The following NIN variants were observed in gnomAD, a reference collection of about 807,000 sequenced individuals.
The protein encoded by NIN is ninein, also known as glycogen synthase kinase 3 beta-interacting protein.
NIN carries 137 observed loss-of-function variants against 257.6 expected under a neutral mutation model. That is an observed-to-expected ratio of 0.53 (90% CI 0.46 to 0.61). The LOEUF is 0.61. NIN is among the 20% of genes least tolerant of loss of function. NIN has a pLI of 0.00. For missense variants in NIN, 2,439 were observed against 2,501.2 expected (o/e 0.98, Z 0.53); for synonymous variants, 918 against 919.8 (o/e 1.00, Z 0.04).
chr14:50,816,483 G>A (rs971875575), intron 3 of NIN, among the ~76,000 whole-genome samples: 5 of 152,218 alleles, frequency 3.3e-5, no homozygotes, highest in African/African-American at 1.2e-4. Flanking sequence ...TTGGGGAGCA[G>A]GGTGAGGGAA....
chr14:50,822,249 C>T (rs1272834752), intron 2 of NIN, among the ~76,000 whole-genome samples, 172 bp from the exon 3 acceptor site: 1 of 152,136 alleles, frequency 6.6e-6, no homozygotes. Flanking sequence ...TAGGACCAGC[C>T]CTGGCCAGTG....
rs900826572 is a variant in NIN at position 50,742,853 on chromosome 14, C to T, written c.5301+563G>A. ...TATCTATAAATTAGGAACAAGCAGT[C>T]ATTTTTATGCACTATTCTCAAGCCT... On this transcript the variant is annotated intron_variant, in intron 24 of 30. Transcript: ENST00000530997. Among the ~76,000 whole-genome samples, 3 of 152,286 alleles carry T rather than the reference C, an allele frequency of 2.0e-5. No individual in the cohort carries two copies. The South Asian group carries it at 6.2e-4, about 32-fold the overall frequency.
intron 21 of NIN, among the ~76,000 whole-genome samples, chr14:50,751,549 G>C (rs903067992): frequency 6.6e-6 from 1 of 152,080 alleles, no homozygotes; most frequent in Non-Finnish European, 1.5e-5. Context: ...CCATAGATTT[G>C]AGGGCCATTT....
At chr14:50,824,730 A>T (rs1005057279) in intron 2 of NIN, among the ~76,000 whole-genome samples, 2 of 152,172 alleles carry the variant, frequency 1.3e-5, no homozygotes, top group Non-Finnish European at 2.9e-5. Context: ...TCCTGTATGG[A>T]TCACTCCTTG....
intron 30 of NIN, among the ~76,000 whole-genome samples, chr14:50,724,994 G>C (rs1000178192): frequency 6.6e-6 from 1 of 152,112 alleles, no homozygotes; most frequent in Admixed American, 6.5e-5. Flanking sequence ...ATATGGGCAG[G>C]GGCTTTGTTC....
rs368507443 is a variant in NIN, at chr14:50,723,688, G to C, written c.6193-16C>G. 6.2e-7 allele frequency: 1 copy of C among 1,608,408 alleles called. No individual in the cohort carries two copies. The highest frequency in any genetic ancestry group is 8.5e-7 in the Non-Finnish European group (1 of 1,175,152). On this transcript the variant is annotated splice_polypyrimidine_tract_variant and intron_variant, in intron 30 of 30. Transcript: ENST00000530997. The stretch of plus-strand genomic sequence containing the variant: ...TCTTGCAGAGCTAGAAACAGAACCA[G>C]AAACATCTTGACTCCATTTCTGTAA...
intron 2 of NIN, among the ~76,000 whole-genome samples, chr14:50,830,137 A>G (rs2045634687): frequency 6.6e-6 from 1 of 152,096 alleles, no homozygotes; most frequent in Non-Finnish European, 1.5e-5. Flanking sequence ...CGTCTCAATC[A>G]CAAGGCTGTA....
At chr14:50,797,334 C>G (rs149881036) in intron 4 of NIN, among the ~76,000 whole-genome samples, 6 of 152,142 alleles carry the variant, frequency 3.9e-5, no homozygotes, top group African/African-American at 1.4e-4. Context: ...TGGAATTGCT[C>G]GCATAGGACT....
At chr14:50,819,321 A>C (rs2045085659) in intron 3 of NIN, among the ~76,000 whole-genome samples, 1 of 152,164 alleles carries the variant, frequency 6.6e-6, no homozygotes, top group Admixed American at 6.5e-5. Flanking sequence ...TGTCATCTTG[A>C]ATTGTAGCTC....
intron 28 of NIN, among the ~76,000 whole-genome samples, chr14:50,733,006 T>G (rs766838996): frequency 7.2e-5 from 11 of 152,146 alleles, no homozygotes; most frequent in Non-Finnish European, 1.5e-4. Context: ...AATTCAAGGC[T>G]GCAGTGAGCT....
At chr14:50,819,284 T>C (rs1160994418) in intron 3 of NIN, among the ~76,000 whole-genome samples, 1 of 152,208 alleles carries the variant, frequency 6.6e-6, no homozygotes, top group Non-Finnish European at 1.5e-5. Context: ...TGGACCCTGA[T>C]ATGGTTTGGC....
intron 21 of NIN, among the ~76,000 whole-genome samples, chr14:50,750,261 A>G (rs2041731371): frequency 6.6e-6 from 1 of 152,122 alleles, no homozygotes; most frequent in Non-Finnish European, 1.5e-5. Context: ...AGTAACCAAG[A>G]TCTGGGCAAT....
chr14:50,728,255 T>C (rs946272038), intron 29 of NIN, among the ~76,000 whole-genome samples: 1 of 152,162 alleles, frequency 6.6e-6, no homozygotes, highest in African/African-American at 2.4e-5. Flanking sequence ...TGTAGTTCAA[T>C]TATATACTGG....
rs576268377 is a variant in NIN, at chr14:50,766,293, CTT to C, written c.1635+12_1635+13del. 6.8e-6 allele frequency: 11 copies of C among 1,608,482 alleles called. No homozygotes were observed. Among genetic ancestry groups the C allele is most frequent in the Non-Finnish European group, 9.4e-6 (11 of 1,175,050 alleles). ...GGCACTCCTGCACTTACTCAGTTCT[CTT>C]TGTCTACCTACCCTGCACTGCCGCT... On this transcript the variant is annotated intron_variant, in intron 14 of 30. Transcript: ENST00000530997.
At chr14:50,739,629 G>GTGTA in intron 25 of NIN, 142 bp from the exon 26 acceptor site, 1 of 646,436 alleles carries the variant, frequency 1.5e-6, no homozygotes, top group Non-Finnish European at 2.7e-6. Context: ...ATGAAAGTAT[G>GTGTA]TGTATGTACA....
chr14:50,803,390 T>C (rs1290120233), intron 4 of NIN, among the ~76,000 whole-genome samples: 1 of 152,126 alleles, frequency 6.6e-6, no homozygotes, highest in Non-Finnish European at 1.5e-5. Context: ...TGGCCCCTTC[T>C]GGTATAAGAT....
At chr14:50,739,571 G>A in intron 25 of NIN, 84 bp from the exon 26 acceptor site, 1 of 1,258,684 alleles carries the variant, frequency 7.9e-7, no homozygotes. Context: ...TTTACCCAAT[G>A]ACAACGACTC....
At position 50,748,103 on chromosome 14, in the gene NIN, G is replaced by A. The variant is rs763257232; in HGVS notation, c.4953C>T (p.Ser1651=). Residue 1651 remains serine (S), a splice_region_variant and synonymous_variant, in exon 22 of 31, where the codon TCC becomes TCT. Coordinates refer to ENST00000530997, the MANE Select transcript of NIN (RefSeq NM_020921.4). ...CCTCCAGAGAAGACACTAAAGTGGA[G>A]GACTAAGAGAAAAATGAAAAAGTCA... ...KEELERCKVQ[S]STLVSSLEAE... The A allele has an allele frequency of 2.5e-6, 4 of 1,602,124 alleles. No homozygotes were observed. The highest frequency in any genetic ancestry group is 2.7e-5 in the African/African-American group (2 of 74,588).
chr14:50,751,484 A>T (rs887269853), intron 21 of NIN, among the ~76,000 whole-genome samples: 8 of 108,036 alleles, frequency 7.4e-5, no homozygotes, highest in African/African-American at 2.9e-4. Flanking sequence ...GAGAAATTAT[A>T]CAAGTGTTGT....
Sources: allele counts gnomAD v4.1 joint callset (sites outside exome capture counted in the v4.1 genomes callset), GRCh38; gene constraint gnomAD v4.1.1; transcripts MANE v1.5; gene names NCBI Gene and HGNC (gene_info 2026-07-23, HGNC 2026-07-21).